Variants in NCOA3 observed in about 807,000 individuals in gnomAD.
NCOA3 encodes CBP-interacting protein.
Under a neutral mutation model 158.8 loss-of-function variants are expected in NCOA3, and 51 were observed. That is an observed-to-expected ratio of 0.32 (90% CI 0.26 to 0.41). NCOA3 has a LOEUF of 0.41. NCOA3 is among the 10% of genes least tolerant of loss of function. The pLI, the probability that NCOA3 is intolerant of heterozygous loss-of-function variation, is 1.00. For synonymous variants in NCOA3, 537 were observed against 592.4 expected (o/e 0.91, Z 1.36); for missense variants, 1,510 against 1,746.6 (o/e 0.86, Z 2.41).
chr20:47,547,710 G>T (rs544705861), intron 1 of NCOA3, among the ~76,000 whole-genome samples: 1 of 150,724 alleles, frequency 6.6e-6, no homozygotes, highest in Non-Finnish European at 1.5e-5. Flanking sequence ...GAGCCACCGC[G>T]CCCGGCCCGT....
At chr20:47,539,767 C>T (rs938904300) in intron 1 of NCOA3, among the ~76,000 whole-genome samples, 2 of 152,166 alleles carry the variant, frequency 1.3e-5, no homozygotes, top group Non-Finnish European at 2.9e-5. Flanking sequence ...TCAAGTGATC[C>T]GCCTGCCTTG....
At chr20:47,538,957 C>T (rs2084679217) in intron 1 of NCOA3, among the ~76,000 whole-genome samples, 1 of 152,202 alleles carries the variant, frequency 6.6e-6, no homozygotes, top group Non-Finnish European at 1.5e-5. Context: ...GGCTGTTTTA[C>T]TTTTTCTCAA....
chr20:47,652,227 T>C (rs2086806994), intron 20 of NCOA3, among the ~76,000 whole-genome samples, 179 bp from the exon 21 acceptor site: 1 of 152,150 alleles, frequency 6.6e-6, no homozygotes, highest in South Asian at 2.1e-4. Context: ...CTAGTCGTCA[T>C]CTTGGTGAGA....
intron 2 of NCOA3, among the ~76,000 whole-genome samples, chr20:47,617,936 C>T (rs1051448980): frequency 6.6e-6 from 1 of 152,148 alleles, no homozygotes. Context: ...CAACCTGTTC[C>T]TAAAAAACCC....
chr20:47,519,622 T>G (rs1173548804), intron 1 of NCOA3, among the ~76,000 whole-genome samples: 1 of 151,516 alleles, frequency 6.6e-6, no homozygotes, highest in Non-Finnish European at 1.5e-5. Context: ...GATTAAGAAC[T>G]GAATATCAGG....
chr20:47,570,982 A>ACATGTG (rs1555805794), intron 1 of NCOA3, among the ~76,000 whole-genome samples: 9 of 80,450 alleles, frequency 1.1e-4, no homozygotes, highest in African/African-American at 4.4e-4. Flanking sequence ...GTATATACAT[A>ACATGTG]TATGTGTGTG....
intron 13 of NCOA3, among the ~76,000 whole-genome samples, chr20:47,638,546 G>C (rs1294829081): frequency 1.3e-5 from 2 of 151,902 alleles, no homozygotes; most frequent in Non-Finnish European, 2.9e-5. Context: ...GAGTGGGGGG[G>C]AAAAAAAGAA....
At chr20:47,514,217 TTTTAA>T (rs918657819) in intron 1 of NCOA3, among the ~76,000 whole-genome samples, 3 of 152,050 alleles carry the variant, frequency 2.0e-5, no homozygotes, top group Non-Finnish European at 4.4e-5. Flanking sequence ...TGAATTTTTT[TTTTAA>T]TTTATCAACA....
chr20:47,550,908 A>G (rs1338340414), intron 1 of NCOA3, among the ~76,000 whole-genome samples: 1 of 152,204 alleles, frequency 6.6e-6, no homozygotes, highest in Non-Finnish European at 1.5e-5. Flanking sequence ...TTGAACAATT[A>G]CATCCTAATA....
intron 1 of NCOA3, among the ~76,000 whole-genome samples, chr20:47,569,269 C>G (rs1254718842): frequency 1.3e-5 from 2 of 151,878 alleles, no homozygotes; most frequent in African/African-American, 4.8e-5. Flanking sequence ...ACTGCTTGGG[C>G]CTGGGAGGCA....
At chr20:47,502,237 T>C (rs2083944305) in intron 1 of NCOA3, among the ~76,000 whole-genome samples, 1 of 152,070 alleles carries the variant, frequency 6.6e-6, no homozygotes, top group Non-Finnish European at 1.5e-5. Flanking sequence ...CGGTAGGAGC[T>C]GAGACGAAGC....
intron 2 of NCOA3, among the ~76,000 whole-genome samples, chr20:47,594,994 G>A (rs890183056): frequency 8.6e-5 from 13 of 151,308 alleles, no homozygotes; most frequent in African/African-American, 2.7e-4. Flanking sequence ...ATTTTGCCAC[G>A]CTGGCCAGGC....
At chr20:47,527,399 T>C (rs1372872800) in intron 1 of NCOA3, among the ~76,000 whole-genome samples, 2 of 152,174 alleles carry the variant, frequency 1.3e-5, no homozygotes, top group East Asian at 3.9e-4. Context: ...TTTGTTGCTG[T>C]TGTTGTGTCA....
chr20:47,619,521 TG>T (rs1170664467), intron 2 of NCOA3, among the ~76,000 whole-genome samples: 1 of 151,880 alleles, frequency 6.6e-6, no homozygotes, highest in African/African-American at 2.4e-5. Flanking sequence ...GGTGCTCACC[TG>T]TTGTCCCAGC....
At chr20:47,580,992 T>G (rs1037961389) in intron 1 of NCOA3, among the ~76,000 whole-genome samples, 1 of 152,020 alleles carries the variant, frequency 6.6e-6, no homozygotes, top group African/African-American at 2.4e-5. Flanking sequence ...TCCCAGCTCC[T>G]TGGGTAGTTG....
chr20:47,645,945 A>G (rs1280839291), intron 17 of NCOA3, among the ~76,000 whole-genome samples: 1 of 152,312 alleles, frequency 6.6e-6, no homozygotes, highest in South Asian at 2.1e-4. Flanking sequence ...TGGTGGTCAC[A>G]CGTGTTTACT....
At chr20:47,583,597 G>A (rs537343042) in intron 2 of NCOA3, among the ~76,000 whole-genome samples, 16 of 152,286 alleles carry the variant, frequency 1.1e-4, no homozygotes, top group Middle Eastern at 3.4e-3. Flanking sequence ...CACATATTTT[G>A]TATGTTACAT....
chr20:47,636,071 T>C lies in NCOA3; in HGVS notation c.1685T>C (p.Val562Ala), dbSNP rs760466569. Residue 562 changes from valine (V) to alanine (A), a missense_variant, in exon 12 of 23, where the codon GTA (valine) becomes GCA (alanine). Physicochemically the swap from Val to Ala is moderately conservative, Grantham distance 64 (BLOSUM62 0). Around this residue, in one of 4 missense-constraint regions of NCOA3, gnomAD observed 1,017 missense variants for 1,098.3 expected, o/e 0.93. Transcript: ENST00000371998. Reference protein sequence around the residue: ...PNMNITQPSKVSNQDSKSPLG... With the variant: ...PNMNITQPSKASNQDSKSPLG... ...ATGAATATTACCCAACCAAGTAAAG[T>C]AAGCAATCAGGATTCCAAGAGTCCT... The C allele has an allele frequency of 1.4e-5, 23 of 1,614,052 alleles. No homozygotes were observed. In the East Asian group the frequency reaches 4.5e-4, roughly 31 times the overall value.
chr20:47,505,003 G>GGT (rs2084004306), intron 1 of NCOA3, among the ~76,000 whole-genome samples: 1 of 28,550 alleles, frequency 3.5e-5, no homozygotes, highest in African/African-American at 1.8e-4. Flanking sequence ...TGGGTTTTTG[G>GGT]TTTTTTTTTT....
Sources: allele counts gnomAD v4.1 joint callset (sites outside exome capture counted in the v4.1 genomes callset), GRCh38; gene constraint gnomAD v4.1.1; regional missense constraint gnomAD v4.1.1; transcripts MANE v1.5; gene names NCBI Gene and HGNC (gene_info 2026-07-23, HGNC 2026-07-21).